The following TMEM38B variants were observed in gnomAD, a reference collection of about 807,000 sequenced individuals.
The protein encoded by TMEM38B is transmembrane protein 38B.
TMEM38B carries 24 observed loss-of-function variants against 28.7 expected under a neutral mutation model. The ratio of observed to expected loss-of-function variants is 0.84; its 90% CI spans 0.61 to 1.18. The LOEUF is 1.18. Ranked by LOEUF, TMEM38B falls within the 50% of genes most tolerant of loss-of-function variation. The pLI, the probability that TMEM38B is intolerant of heterozygous loss-of-function variation, is 0.00. For missense variants in TMEM38B, 380 were observed against 350.9 expected (o/e 1.08, Z -0.66); for synonymous variants, 131 against 127.7 (o/e 1.03, Z -0.17).
At chr9:105,730,805 T>G (rs1836712684) in intron 4 of TMEM38B, among the ~76,000 whole-genome samples, 1 of 152,216 alleles carries the variant, frequency 6.6e-6, no homozygotes, top group Non-Finnish European at 1.5e-5. Context: ...AGGGTGTATG[T>G]GTCCAGGAAT....
intron 2 of TMEM38B, among the ~76,000 whole-genome samples, chr9:105,715,739 G>C (rs1181889051): frequency 2.0e-5 from 3 of 151,602 alleles, no homozygotes; most frequent in Admixed American, 6.6e-5. Flanking sequence ...CCTGAGTGTT[G>C]AATCTTTGGT....
Position 105,758,373 on chromosome 9 carries a change from T to C in TMEM38B, c.660+10183T>C, listed in dbSNP as rs1278331286. 1.6e-5 allele frequency: 19 copies of C among 1,181,818 alleles called. No individual in the cohort carries two copies. In the East Asian group the frequency reaches 2.6e-4, roughly 16 times the overall value. 73.2% of individuals were successfully genotyped at this position (1,181,818 alleles called of 1,614,324 possible). ...GATCTTACATGGATTCTGCTACTTA[T>C]GGAATGAAATTACCACATCTTTTCG... is the stretch of plus-strand genomic sequence containing the variant. On this transcript the variant is annotated intron_variant, in intron 5 of 5. Transcript: ENST00000374692.
intron 4 of TMEM38B, among the ~76,000 whole-genome samples, chr9:105,728,107 T>C (rs1317348938): frequency 6.6e-6 from 1 of 152,156 alleles, no homozygotes; most frequent in Admixed American, 6.6e-5. Flanking sequence ...ATCATTATTA[T>C]TATACTTTAA....
chr9:105,747,105 A>G (rs1837432307), intron 4 of TMEM38B, among the ~76,000 whole-genome samples: 1 of 152,230 alleles, frequency 6.6e-6, no homozygotes, highest in African/African-American at 2.4e-5. Context: ...TGAGTTAGAG[A>G]GGATTCCCTC....
At chr9:105,732,068 C>T (rs879450154) in intron 4 of TMEM38B, among the ~76,000 whole-genome samples, 1 of 152,208 alleles carries the variant, frequency 6.6e-6, no homozygotes, top group Non-Finnish European at 1.5e-5. Flanking sequence ...TAGTGATGAG[C>T]ATTTTTTCAT....
chr9:105,768,698 AAT>A, intron 5 of TMEM38B, among the ~76,000 whole-genome samples: 1 of 152,140 alleles, frequency 6.6e-6, no homozygotes, highest in Admixed American at 6.6e-5. Context: ...AATTGTTGAT[AAT>A]AGTTTTTTGT....
At chr9:105,722,308 T>C (rs1836346044) in intron 3 of TMEM38B, among the ~76,000 whole-genome samples, 1 of 152,190 alleles carries the variant, frequency 6.6e-6, no homozygotes, top group African/African-American at 2.4e-5. Context: ...AACCATATCT[T>C]TGTGCCCGAG....
intron 2 of TMEM38B, among the ~76,000 whole-genome samples, chr9:105,706,470 C>A (rs1239876671): frequency 6.6e-6 from 1 of 152,160 alleles, no homozygotes; most frequent in Admixed American, 6.5e-5. Context: ...AAAAGCTGGG[C>A]CTTGAATAAA....
At chr9:105,719,934 G>A (rs979875753) in intron 2 of TMEM38B, among the ~76,000 whole-genome samples, 7 of 152,078 alleles carry the variant, frequency 4.6e-5, no homozygotes, top group African/African-American at 1.7e-4. Context: ...AAAATTAAGT[G>A]TGTATACTTT....
At chr9:105,758,158 A>G in intron 5 of TMEM38B, 1 of 592,838 alleles carries the variant, frequency 1.7e-6, no homozygotes, top group Admixed American at 2.5e-5. Context: ...GGGCACTGAC[A>G]GACCTATGGA....
Position 105,774,898 on chromosome 9 carries a change from A to AT in TMEM38B, c.*821dup, listed in dbSNP as rs1826678128. ...ATTTTTTTCTCTCTCATAAAAACAC[A>AT]TTTGTTTTAATTGTAGGAGAAATTT... On this transcript the variant is annotated 3_prime_UTR_variant, in exon 6 of 6. Coordinates refer to ENST00000374692, the MANE Select transcript of TMEM38B (RefSeq NM_018112.3). 1 of 152,104 alleles carries AT rather than the reference A, an allele frequency of 6.6e-6. No homozygotes were observed. Among genetic ancestry groups the AT allele is most frequent in the Admixed American group, 6.5e-5 (1 of 15,272 alleles). The allele number at this position is 152,104 out of a possible 1,614,324, so 9.4% of individuals were successfully genotyped here.
intron 5 of TMEM38B, among the ~76,000 whole-genome samples, chr9:105,763,474 A>C (rs575791792): frequency 6.6e-6 from 1 of 152,324 alleles, no homozygotes; most frequent in African/African-American, 2.4e-5. Context: ...ATAAACTAGA[A>C]AATCTAGAAG....
chr9:105,747,284 T>A (rs1259842529), intron 4 of TMEM38B, among the ~76,000 whole-genome samples: 1 of 152,240 alleles, frequency 6.6e-6, no homozygotes, highest in Non-Finnish European at 1.5e-5. Context: ...GAGATTCAAT[T>A]TCTTCCTGGT....
chr9:105,708,728 T>G (rs1835773213), intron 2 of TMEM38B, among the ~76,000 whole-genome samples: 1 of 152,080 alleles, frequency 6.6e-6, no homozygotes, highest in Admixed American at 6.5e-5. Context: ...TCCTCAGAAG[T>G]CTCATATTTT....
At chr9:105,745,280 T>C (rs1837345534) in intron 4 of TMEM38B, among the ~76,000 whole-genome samples, 1 of 152,264 alleles carries the variant, frequency 6.6e-6, no homozygotes, top group African/African-American at 2.4e-5. Context: ...ATCACCATTC[T>C]AACTGGTGTG....
At chr9:105,752,752 T>C (rs111307349) in intron 5 of TMEM38B, among the ~76,000 whole-genome samples, 200 of 152,106 alleles carry the variant, frequency 1.3e-3, no homozygotes, top group African/African-American at 4.6e-3. Flanking sequence ...AAAGCCAGAG[T>C]GCCTCTTCTC....
intron 2 of TMEM38B, among the ~76,000 whole-genome samples, chr9:105,717,359 A>C (rs1390142274): frequency 6.6e-6 from 1 of 152,248 alleles, no homozygotes; most frequent in East Asian, 1.9e-4. Context: ...TCCTAAAATA[A>C]ATCTTTAAGC....
At chr9:105,763,726 T>G (rs1343870175) in intron 5 of TMEM38B, among the ~76,000 whole-genome samples, 1 of 152,180 alleles carries the variant, frequency 6.6e-6, no homozygotes, top group African/African-American at 2.4e-5. Context: ...CCCTTACTCA[T>G]TTTATGAGGC....
At chr9:105,765,571 T>G (rs1467057486) in intron 5 of TMEM38B, among the ~76,000 whole-genome samples, 1 of 152,242 alleles carries the variant, frequency 6.6e-6, no homozygotes, top group Admixed American at 6.5e-5. Context: ...TAGTGTTTTC[T>G]GTAGTTTCAT....
Sources: gnomAD v4.1 joint callset for allele counts (sites outside exome capture counted in the v4.1 genomes callset) on GRCh38, gnomAD v4.1.1 for gene constraint, MANE v1.5 for transcripts, NCBI Gene and HGNC (gene_info 2026-07-23, HGNC 2026-07-21) for gene names.